The following SPON1 variants were observed in gnomAD, a reference collection of about 807,000 sequenced individuals.
SPON1 encodes spondin-1.
A neutral mutation model predicts 111.7 loss-of-function variants in SPON1; 52 were observed. The observed-to-expected ratio is 0.47, with a 90% CI of 0.37 to 0.59. SPON1 has a LOEUF of 0.59. SPON1 is among the 20% of genes least tolerant of loss of function. SPON1 has a pLI of 0.00. For missense variants in SPON1, 957 were observed against 1,068.5 expected (o/e 0.90, Z 1.46); for synonymous variants, 410 against 395.8 (o/e 1.04, Z -0.43).
chr11:14,021,763 T>C (rs1294330941), intron 2 of SPON1, among the ~76,000 whole-genome samples: 3 of 152,224 alleles, frequency 2.0e-5, no homozygotes, highest in African/African-American at 7.2e-5. Flanking sequence ...CTGAACATTG[T>C]AGATTTCTGA....
chr11:14,214,590 C>G (rs990057675), intron 6 of SPON1, among the ~76,000 whole-genome samples: 26 of 152,176 alleles, frequency 1.7e-4, no homozygotes, highest in African/African-American at 6.3e-4. Flanking sequence ...GTCTGTTCCA[C>G]ACACCAAGGA....
At chr11:14,166,797 A>G (rs2133879019) in intron 6 of SPON1, among the ~76,000 whole-genome samples, 1 of 152,292 alleles carries the variant, frequency 6.6e-6, no homozygotes, top group East Asian at 1.9e-4. Context: ...GTCCAAAGTA[A>G]ACCAAACAGC....
chr11:14,176,587 A>C (rs1848177987), intron 6 of SPON1, among the ~76,000 whole-genome samples: 1 of 152,114 alleles, frequency 6.6e-6, no homozygotes, highest in African/African-American at 2.4e-5. Context: ...CTTGGCAGCA[A>C]TACTCACCAA....
chr11:13,979,598 G>T (rs558820251), intron 1 of SPON1, among the ~76,000 whole-genome samples: 1 of 152,044 alleles, frequency 6.6e-6, no homozygotes, highest in Non-Finnish European at 1.5e-5. Context: ...CAGATCCTGC[G>T]GGGCCATTTT....
At chr11:14,148,801 C>G (rs1327315277) in intron 6 of SPON1, among the ~76,000 whole-genome samples, 1 of 152,192 alleles carries the variant, frequency 6.6e-6, no homozygotes, top group African/African-American at 2.4e-5. Flanking sequence ...TTACTTTTCA[C>G]CAGATTGTGT....
intron 5 of SPON1, among the ~76,000 whole-genome samples, chr11:14,097,592 A>G (rs1554924001): frequency 6.6e-6 from 1 of 152,130 alleles, no homozygotes; most frequent in African/African-American, 2.4e-5. Context: ...TCCTTGGGTT[A>G]CATAAGTAAT....
intron 5 of SPON1, among the ~76,000 whole-genome samples, chr11:14,133,429 AG>A (rs1847549346): frequency 6.6e-6 from 1 of 152,256 alleles, no homozygotes; most frequent in Non-Finnish European, 1.5e-5. Context: ...ACAAAAGTTT[AG>A]GTTGGCTTGT....
At chr11:14,130,101 C>T (rs1847510352) in intron 5 of SPON1, among the ~76,000 whole-genome samples, 1 of 152,162 alleles carries the variant, frequency 6.6e-6, no homozygotes, top group Admixed American at 6.5e-5. Flanking sequence ...TAACCTTATC[C>T]TCATGTTACA....
chr11:14,025,322 T>G (rs1255399360), intron 2 of SPON1, among the ~76,000 whole-genome samples: 1 of 152,244 alleles, frequency 6.6e-6, no homozygotes, highest in Non-Finnish European at 1.5e-5. Context: ...CCTCTTTAAT[T>G]TTAATTAATT....
chr11:14,009,491 G>T (rs1357402535), intron 2 of SPON1, among the ~76,000 whole-genome samples: 1 of 152,166 alleles, frequency 6.6e-6, no homozygotes, highest in African/African-American at 2.4e-5. Flanking sequence ...ATAGCAAGTT[G>T]CTTCCTTGGA....
chr11:13,996,530 A>G (rs1365058913), intron 2 of SPON1, among the ~76,000 whole-genome samples: 8 of 152,240 alleles, frequency 5.3e-5, no homozygotes, highest in African/African-American at 1.9e-4. Flanking sequence ...TTAAGACTTA[A>G]GCATCACTCC....
intron 6 of SPON1, among the ~76,000 whole-genome samples, chr11:14,190,492 T>C (rs185603484): frequency 3.4e-4 from 51 of 151,786 alleles, no homozygotes; most frequent in Middle Eastern, 3.4e-3. Flanking sequence ...CCTTCCTTCC[T>C]TCTTTACTTC....
intron 2 of SPON1, among the ~76,000 whole-genome samples, chr11:14,016,567 C>T (rs1016098150): frequency 1.3e-5 from 2 of 151,902 alleles, no homozygotes; most frequent in Non-Finnish European, 2.9e-5. Context: ...TACTTTAAAA[C>T]AAGTTCTCAG....
chr11:14,090,631 G>A (rs549514154), intron 5 of SPON1, among the ~76,000 whole-genome samples: 12 of 152,078 alleles, frequency 7.9e-5, no homozygotes, highest in Admixed American at 3.9e-4. Context: ...GTGGGCTCGT[G>A]GTCTGGCTGG....
Position 14,259,197 on chromosome 11 carries a change from G to A in SPON1, c.1493-83G>A. ...AACTGCCTGACTCCTCTTGATTCCC[G>A]CTGGCGGGAAGTTCCCACCGCGCAG... On this transcript the variant is annotated intron_variant, in intron 11 of 15. Coordinates refer to ENST00000576479, the MANE Select transcript of SPON1 (RefSeq NM_006108.4). This position sits in a 1 kb window ranked among gnomAD's most constrained non-coding sequence, Gnocchi z 5.0. 11 of 1,438,208 alleles carry A rather than the reference G, an allele frequency of 7.6e-6. No individual in the cohort carries two copies. Among genetic ancestry groups the A allele is most frequent in the South Asian group, 2.8e-5 (2 of 72,050 alleles). 89.1% of individuals were successfully genotyped at this position (1,438,208 alleles called of 1,614,324 possible).
At chr11:14,035,035 G>A (rs1554916467) in intron 2 of SPON1, among the ~76,000 whole-genome samples, 1 of 152,216 alleles carries the variant, frequency 6.6e-6, no homozygotes, top group African/African-American at 2.4e-5. Context: ...CAACAAAGCT[G>A]CAGAAGAGAG....
intron 5 of SPON1, among the ~76,000 whole-genome samples, chr11:14,082,512 G>C (rs1297869574): frequency 6.6e-6 from 1 of 152,152 alleles, no homozygotes; most frequent in Non-Finnish European, 1.5e-5. Context: ...CTTAGTGCCT[G>C]TTGTCTTCCC....
chr11:14,204,833 C>T (rs1174230278), intron 6 of SPON1, among the ~76,000 whole-genome samples: 3 of 152,058 alleles, frequency 2.0e-5, no homozygotes, highest in African/African-American at 7.2e-5. Flanking sequence ...TACAGGTGCC[C>T]GCCACCACCC....
chr11:14,149,841 C>G (rs1376631332), intron 6 of SPON1, among the ~76,000 whole-genome samples: 4 of 152,160 alleles, frequency 2.6e-5, no homozygotes, highest in Admixed American at 6.5e-5. Flanking sequence ...TGTAAGTACC[C>G]TCTATGATGT....
Sources: gnomAD v4.1 joint callset for allele counts (sites outside exome capture counted in the v4.1 genomes callset) on GRCh38, gnomAD v4.1.1 for gene constraint, Gnocchi (gnomAD v3.1) non-coding constraint, MANE v1.5 for transcripts, NCBI Gene and HGNC (gene_info 2026-07-23, HGNC 2026-07-21) for gene names.